HS6ST2: variants seen among roughly 807,000 people sequenced by gnomAD.
HS6ST2 encodes heparan sulfate 6-O-sulfotransferase 2.
Under a neutral mutation model 33.0 loss-of-function variants are expected in HS6ST2, and 17 were observed. That is an observed-to-expected ratio of 0.52 (90% CI 0.35 to 0.77). The LOEUF is 0.77. Ranked by LOEUF, HS6ST2 falls within the 30% of genes least tolerant of loss-of-function variation. HS6ST2 has a pLI of 0.01. For missense variants in HS6ST2, 519 were observed against 551.7 expected, an observed-to-expected ratio of 0.94 and a Z score of 0.59; for synonymous variants, 248 against 237.1, an observed-to-expected ratio of 1.05 and a Z score of -0.42.
chrX:132,742,719 A>G (rs2064592077), intron 2 of HS6ST2, among the ~76,000 whole-genome samples: 1 of 112,794 alleles, frequency 8.9e-6, no homozygotes, highest in Admixed American at 9.4e-5. Context: ...TTACATGGAT[A>G]ATCCACAAGT....
chrX:132,766,100 C>A (rs2064846239), intron 2 of HS6ST2, among the ~76,000 whole-genome samples: 1 of 111,600 alleles, frequency 9.0e-6, no homozygotes, highest in African/African-American at 3.3e-5. Context: ...TTATATGGGG[C>A]ACAGGAATTT....
At chrX:132,718,800 A>C (rs916311357) in intron 2 of HS6ST2, among the ~76,000 whole-genome samples, 1 of 111,383 alleles carries the variant, frequency 9.0e-6, no homozygotes, top group African/African-American at 3.3e-5. Context: ...CCCCTAGGAC[A>C]TAAATCAGGT....
intron 2 of HS6ST2, among the ~76,000 whole-genome samples, chrX:132,914,656 A>G (rs1466939284): frequency 8.9e-6 from 1 of 112,123 alleles, no homozygotes; most frequent in Non-Finnish European, 1.9e-5. Context: ...TTTTTTGGGC[A>G]GCCATCTAAC....
intron 2 of HS6ST2, among the ~76,000 whole-genome samples, chrX:132,860,135 AT>A (rs755900101): frequency 8.7e-4 from 97 of 111,494 alleles, no homozygotes; most frequent in Non-Finnish European, 1.7e-3. Context: ...TAATTTGTTG[AT>A]TTTTTCCCCT....
At chrX:132,863,084 G>A (rs144900358) in intron 2 of HS6ST2, among the ~76,000 whole-genome samples, 163 of 111,602 alleles carry the variant, frequency 1.5e-3, no homozygotes, top group African/African-American at 5.2e-3. Flanking sequence ...AACCTCTCCT[G>A]GAAAAGAGGT....
chrX:132,823,139 G>A (rs192201424), intron 2 of HS6ST2, among the ~76,000 whole-genome samples: 4 of 112,392 alleles, frequency 3.6e-5, no homozygotes, highest in South Asian at 7.4e-4. Context: ...TGTCTTTTAA[G>A]TCTCCAAGAG....
intron 2 of HS6ST2, among the ~76,000 whole-genome samples, chrX:132,869,138 A>C (rs2066027988): frequency 8.9e-6 from 1 of 111,836 alleles, no homozygotes; most frequent in Non-Finnish European, 1.9e-5. Flanking sequence ...ACCATCAGAG[A>C]ATACTATAAA....
intron 2 of HS6ST2, among the ~76,000 whole-genome samples, chrX:132,778,315 T>C (rs1296662113): frequency 8.9e-6 from 1 of 112,692 alleles, no homozygotes; most frequent in Non-Finnish European, 1.9e-5. Flanking sequence ...CTATTAAATA[T>C]AAATTCAACT....
At chrX:132,661,978 CA>C (rs35743008) in intron 4 of HS6ST2, among the ~76,000 whole-genome samples, 1 of 107,269 alleles carries the variant, frequency 9.3e-6, no homozygotes, top group African/African-American at 3.4e-5. Context: ...AGTCTTATCT[CA>C]AAAAAAAGAA....
intron 2 of HS6ST2, among the ~76,000 whole-genome samples, chrX:132,813,681 C>G (rs976667407): frequency 1.9e-4 from 21 of 110,259 alleles, no homozygotes; most frequent in African/African-American, 6.6e-4. Flanking sequence ...TCAAATTGGT[C>G]ACATGTCCTG....
At chrX:132,811,490 G>A (rs896160295) in intron 2 of HS6ST2, among the ~76,000 whole-genome samples, 4 of 105,723 alleles carry the variant, frequency 3.8e-5, no homozygotes, top group South Asian at 4.3e-4. Context: ...CCTCCCTTTC[G>A]CAACCTCTGG....
chrX:132,785,486 T>C (rs1371552564), intron 2 of HS6ST2, among the ~76,000 whole-genome samples: 6 of 112,335 alleles, frequency 5.3e-5, no homozygotes, highest in African/African-American at 1.6e-4. Flanking sequence ...ATCTCTAGCA[T>C]TGCTGGTCAT....
intron 2 of HS6ST2, among the ~76,000 whole-genome samples, chrX:132,819,771 G>A (rs1251502350): frequency 1.8e-5 from 2 of 112,021 alleles, no homozygotes; most frequent in Non-Finnish European, 3.8e-5. Flanking sequence ...ACTTGCAAGA[G>A]AGCCCTCTCA....
At chrX:132,933,307 G>A (rs905529654) in intron 2 of HS6ST2, among the ~76,000 whole-genome samples, 6 of 111,032 alleles carry the variant, frequency 5.4e-5, no homozygotes, top group Non-Finnish European at 3.8e-5. Flanking sequence ...CAGCCTGGGT[G>A]ACAGAGCGAG....
chrX:132,892,125 T>C (rs1403673846), intron 2 of HS6ST2, among the ~76,000 whole-genome samples: 1 of 112,545 alleles, frequency 8.9e-6, no homozygotes, highest in African/African-American at 3.2e-5. Context: ...TTTTTTGTTT[T>C]TGTTTTTGAA....
rs2065402328 is a variant in HS6ST2, at chrX:132,817,162, C to T, written c.948-108668G>A. On this transcript the variant is annotated intron_variant, in intron 2 of 4. Coordinates refer to ENST00000370833, the MANE Select transcript of HS6ST2 (RefSeq NM_001394073.1). ...GTCAACTTGCATTGAGGTGGTTGAA[C>T]AGGATTCGCATCTCCCCCCACCTTC... Among the ~76,000 whole-genome samples, 5 of 111,310 alleles carry T rather than the reference C, an allele frequency of 4.5e-5. No individual in the cohort carries two copies. In the South Asian group the frequency reaches 1.9e-3, roughly 43 times the overall value.
chrX:132,746,273 C>A (rs1387676445), intron 2 of HS6ST2, among the ~76,000 whole-genome samples: 1 of 111,318 alleles, frequency 9.0e-6, no homozygotes, highest in Non-Finnish European at 1.9e-5. Flanking sequence ...GAGGCTGAGG[C>A]AGGCGGATCA....
intron 2 of HS6ST2, among the ~76,000 whole-genome samples, chrX:132,940,017 T>A (rs2066871017): frequency 8.9e-6 from 1 of 111,788 alleles, no homozygotes; most frequent in African/African-American, 3.2e-5. Context: ...AAAAAATAAA[T>A]AAAAGATTCG....
chrX:132,921,539 G>C (rs2066650461), intron 2 of HS6ST2, among the ~76,000 whole-genome samples: 1 of 112,265 alleles, frequency 8.9e-6, no homozygotes, highest in South Asian at 3.7e-4. Flanking sequence ...ACACTGGGAA[G>C]ACAGACATGA....
Sources: gnomAD v4.1 joint callset for allele counts (sites outside exome capture counted in the v4.1 genomes callset) on GRCh38, gnomAD v4.1.1 for gene constraint, MANE v1.5 for transcripts, NCBI Gene and HGNC (gene_info 2026-07-23, HGNC 2026-07-21) for gene names.